The following SYN3 variants were observed in gnomAD, a reference collection of about 807,000 sequenced individuals.
SYN3 encodes the protein synapsin III.
Under a neutral mutation model 65.8 loss-of-function variants are expected in SYN3, and 35 were observed. The observed-to-expected ratio is 0.53, with a 90% CI of 0.41 to 0.70. The LOEUF is 0.70. Among genes scored for constraint, SYN3 ranks in the 30% least tolerant of loss-of-function variants. SYN3 has a pLI of 0.00. For synonymous variants in SYN3, 270 were observed against 292.9 expected (o/e 0.92, Z 0.80); for missense variants, 680 against 749.0 (o/e 0.91, Z 1.08).
chr22:32,979,971 C>G (rs985571283), intron 3 of SYN3, among the ~76,000 whole-genome samples: 4 of 152,036 alleles, frequency 2.6e-5, no homozygotes, highest in Non-Finnish European at 4.4e-5. Flanking sequence ...CCTCGCGGAA[C>G]GAACAGGAGA....
intron 6 of SYN3, among the ~76,000 whole-genome samples, chr22:32,687,075 C>T (rs1354415700): frequency 6.6e-6 from 1 of 152,178 alleles, no homozygotes; most frequent in Non-Finnish European, 1.5e-5. Context: ...CTGGTGCCAG[C>T]ACTGCCCCAG....
At chr22:32,811,717 A>G (rs1217192065) in intron 6 of SYN3, among the ~76,000 whole-genome samples, 3 of 152,224 alleles carry the variant, frequency 2.0e-5, no homozygotes, top group African/African-American at 2.4e-5. Flanking sequence ...GTTCCTAGTT[A>G]GTGGATGTCA....
At chr22:33,019,778 C>T (rs1056121026) in intron 1 of SYN3, among the ~76,000 whole-genome samples, 9 of 152,134 alleles carry the variant, frequency 5.9e-5, no homozygotes, top group African/African-American at 1.7e-4. Flanking sequence ...TGCCACCACC[C>T]CCAGCTAATG....
chr22:32,795,141 G>C (rs1461813076), intron 6 of SYN3, among the ~76,000 whole-genome samples: 2 of 152,174 alleles, frequency 1.3e-5, no homozygotes, highest in African/African-American at 4.8e-5. Context: ...TTAAGACTTT[G>C]TTCAGAAAGC....
intron 3 of SYN3, among the ~76,000 whole-genome samples, chr22:32,974,878 T>C (rs1021780368): frequency 1.1e-4 from 16 of 152,188 alleles, no homozygotes; most frequent in African/African-American, 2.9e-4. Flanking sequence ...ATTTCATCAT[T>C]TTCAGGTGAG....
At chr22:32,670,813 G>A (rs1353758395) in intron 6 of SYN3, among the ~76,000 whole-genome samples, 3 of 152,232 alleles carry the variant, frequency 2.0e-5, no homozygotes, top group South Asian at 2.1e-4. Context: ...TACTTTTATC[G>A]TAAGTGATGA....
At chr22:32,874,261 C>G (rs2048926292) in intron 4 of SYN3, among the ~76,000 whole-genome samples, 1 of 152,238 alleles carries the variant, frequency 6.6e-6, no homozygotes, top group South Asian at 2.1e-4. Context: ...CTCCTTTAAT[C>G]TCACACAAAC....
At chr22:32,601,856 T>C (rs1401011933) in intron 6 of SYN3, among the ~76,000 whole-genome samples, 1 of 152,044 alleles carries the variant, frequency 6.6e-6, no homozygotes, top group Non-Finnish European at 1.5e-5. Context: ...GAATTCATTC[T>C]AAAGACAGTA....
At chr22:33,048,649 T>C (rs1044500377) in intron 1 of SYN3, among the ~76,000 whole-genome samples, 3 of 152,334 alleles carry the variant, frequency 2.0e-5, no homozygotes, top group African/African-American at 7.2e-5. Flanking sequence ...CCTTCTGCCA[T>C]GAGTTAAAGC....
intron 3 of SYN3, among the ~76,000 whole-genome samples, chr22:32,980,391 GTC>G (rs895242756): frequency 2.0e-5 from 3 of 152,170 alleles, no homozygotes; most frequent in African/African-American, 7.2e-5. Flanking sequence ...AGCTCTACGT[GTC>G]TCTCTTTTGT....
intron 7 of SYN3, among the ~76,000 whole-genome samples, chr22:32,554,441 T>C (rs1306945829): frequency 2.0e-5 from 3 of 152,168 alleles, no homozygotes; most frequent in Non-Finnish European, 2.9e-5. Context: ...TTTACTGCCT[T>C]TCTCCTCCAC....
At chr22:32,606,816 T>G (rs996385952) in intron 6 of SYN3, among the ~76,000 whole-genome samples, 72 of 151,562 alleles carry the variant, frequency 4.8e-4, no homozygotes, top group African/African-American at 1.6e-3. Flanking sequence ...TTTTTTATTT[T>G]TTTAATTTTT....
chr22:32,741,514 T>G (rs559073763), intron 6 of SYN3, among the ~76,000 whole-genome samples: 1 of 151,876 alleles, frequency 6.6e-6, no homozygotes, highest in East Asian at 1.9e-4. Context: ...TGCCACCACG[T>G]CCGGCTAATT....
chr22:32,916,826 C>T (rs1195496623), intron 4 of SYN3, among the ~76,000 whole-genome samples: 1 of 152,170 alleles, frequency 6.6e-6, no homozygotes, highest in East Asian at 1.9e-4. Flanking sequence ...GATCAACAAG[C>T]CCTCAGGAAG....
At chr22:32,710,405 T>C (rs1189018034) in intron 6 of SYN3, among the ~76,000 whole-genome samples, 3 of 150,446 alleles carry the variant, frequency 2.0e-5, no homozygotes, top group Admixed American at 2.0e-4. Flanking sequence ...CCAAGGAGGG[T>C]GGATCACCTG....
Position 32,510,499 on chromosome 22 carries a change from G to A in SYN3, c.*3193C>T, listed in dbSNP as rs1436606372. Among the ~76,000 whole-genome samples, 1 of 152,146 alleles carries A rather than the reference G, an allele frequency of 6.6e-6. No homozygotes were observed. The highest frequency in any genetic ancestry group is 1.5e-5 in the Non-Finnish European group (1 of 68,038). ...GGGACGATTGCCACAGGGGTTTCCTGTGTTCTTAATCTCCTGAAACTTGAG... is the reference window on the plus strand; with the variant it reads ...GGGACGATTGCCACAGGGGTTTCCTATGTTCTTAATCTCCTGAAACTTGAG... On this transcript the variant is annotated 3_prime_UTR_variant, in exon 14 of 14. Coordinates refer to ENST00000358763, the MANE Select transcript of SYN3 (RefSeq NM_003490.4).
intron 4 of SYN3, among the ~76,000 whole-genome samples, chr22:32,930,524 ATC>A (rs2050598891): frequency 6.6e-6 from 1 of 151,184 alleles, no homozygotes; most frequent in Non-Finnish European, 1.5e-5. Context: ...TTTTTTTTGG[ATC>A]TGTCTTTATT....
chr22:32,582,860 G>A (rs892128485), intron 7 of SYN3, among the ~76,000 whole-genome samples: 2 of 152,158 alleles, frequency 1.3e-5, no homozygotes, highest in African/African-American at 4.8e-5. Flanking sequence ...GAGTGGCCAG[G>A]GGCCTCTAGG....
chr22:32,722,406 G>A (rs1980759172), intron 6 of SYN3, among the ~76,000 whole-genome samples: 1 of 152,290 alleles, frequency 6.6e-6, no homozygotes, highest in Non-Finnish European at 1.5e-5. Flanking sequence ...CACATGGCTC[G>A]GATACAGGCT....
Sources: gnomAD v4.1 joint callset for allele counts (sites outside exome capture counted in the v4.1 genomes callset) on GRCh38, gnomAD v4.1.1 for gene constraint, MANE v1.5 for transcripts, NCBI Gene and HGNC (gene_info 2026-07-23, HGNC 2026-07-21) for gene names.